The following ZBTB8A variants were observed in gnomAD, a reference collection of about 807,000 sequenced individuals.
ZBTB8A encodes zinc finger and BTB domain-containing protein 8A.
In ZBTB8A, 19 loss-of-function variants were observed where a neutral mutation model predicts 37.8. The observed-to-expected ratio is 0.50, with a 90% CI of 0.35 to 0.74. ZBTB8A has a LOEUF of 0.74. ZBTB8A is among the 30% of genes least tolerant of loss of function. The pLI, the probability that ZBTB8A is intolerant of heterozygous loss-of-function variation, is 0.01. For missense variants in ZBTB8A, 394 were observed against 537.8 expected (o/e 0.73, Z 2.65); for synonymous variants, 181 against 185.2 (o/e 0.98, Z 0.19).
At chr1:32,568,216 C>T (rs144315076) in intron 2 of ZBTB8A, among the ~76,000 whole-genome samples, 86 of 152,080 alleles carry the variant, frequency 5.7e-4, no homozygotes, top group African/African-American at 1.7e-3. Context: ...ATTTAATGTT[C>T]GACATATGTT....
chr1:32,592,792 G>A, intron 2 of ZBTB8A, 139 bp from the exon 3 acceptor site: 3 of 675,854 alleles, frequency 4.4e-6, no homozygotes, highest in Non-Finnish European at 7.3e-6. Context: ...ACAGGAGTGA[G>A]CCACTGTGCC....
At position 32,601,492 on chromosome 1, in the gene ZBTB8A, A is replaced by C. The variant is rs1313535014; in HGVS notation, c.*1073A>C. ...TCCGTCTCAAAAAAAAAAGGAAAAC[A>C]AACTAGGAGGTTCTTACCATATGTG... On this transcript the variant is annotated 3_prime_UTR_variant, in exon 5 of 5. Coordinates refer to ENST00000373510, the MANE Select transcript of ZBTB8A (RefSeq NM_001040441.3). 2 of 396,262 alleles carry C rather than the reference A, an allele frequency of 5.0e-6. No homozygotes were observed. The highest frequency in any genetic ancestry group is 4.1e-5 in the African/African-American group (2 of 48,526). The allele number at this position is 396,262 out of a possible 1,614,324, so 24.5% of individuals were successfully genotyped here. A position where few individuals can be genotyped will look rare whatever the true frequency, so the allele number is the denominator to read the frequency against.
intron 2 of ZBTB8A, among the ~76,000 whole-genome samples, chr1:32,567,940 G>A (rs1278967708): frequency 2.0e-5 from 3 of 151,790 alleles, no homozygotes; most frequent in African/African-American, 7.3e-5. Context: ...AGGAGTTTGA[G>A]ACCAGCCTGG....
Position 32,542,527 on chromosome 1 carries a change from T to C in ZBTB8A, c.-84+2955T>C, listed in dbSNP as rs1445288511. On this transcript the variant is annotated intron_variant, in intron 1 of 4. Coordinates refer to ENST00000373510, the MANE Select transcript of ZBTB8A (RefSeq NM_001040441.3). Reference sequence around the variant, plus strand: ...AGGCAGAGGTTGCAGTAAACCGAGATTGCGCCACTGCACTCTAGCCTGGGC... The same window carrying C: ...AGGCAGAGGTTGCAGTAAACCGAGACTGCGCCACTGCACTCTAGCCTGGGC... Among the ~76,000 whole-genome samples, 3 of 152,146 alleles carry C rather than the reference T, an allele frequency of 2.0e-5. No homozygotes were observed. In the East Asian group the frequency reaches 5.8e-4, roughly 29 times the overall value.
chr1:32,587,856 C>T (rs1376517351), intron 2 of ZBTB8A, among the ~76,000 whole-genome samples: 2 of 152,022 alleles, frequency 1.3e-5, no homozygotes, highest in Non-Finnish European at 2.9e-5. Context: ...AGCCCACCCC[C>T]CAGCCTCTGG....
intron 1 of ZBTB8A, among the ~76,000 whole-genome samples, chr1:32,550,632 A>C (rs552380090): frequency 6.6e-6 from 1 of 151,788 alleles, no homozygotes; most frequent in African/African-American, 2.4e-5. Flanking sequence ...AAAAACAAAA[A>C]GAAAAAGGAA....
At chr1:32,550,163 G>T (rs1240587705) in intron 1 of ZBTB8A, among the ~76,000 whole-genome samples, 1 of 151,828 alleles carries the variant, frequency 6.6e-6, no homozygotes, top group African/African-American at 2.4e-5. Context: ...TTCAAGACCA[G>T]CCTGGGCAAT....
At position 32,548,969 on chromosome 1, in the gene ZBTB8A, G is replaced by A. The variant is rs548951413; in HGVS notation, c.-83-4490G>A. Among the ~76,000 whole-genome samples the A allele has an allele frequency of 1.8e-4, 28 of 152,088 alleles. No individual in the cohort carries two copies. In the South Asian group the frequency reaches 3.9e-3, roughly 21 times the overall value. ...GCACTTTGGGAGGCTGAGGCAGGCC[G>A]ATCATGAGGTCAGGAGTTTGAGACC... is the stretch of plus-strand genomic sequence containing the variant. On this transcript the variant is annotated intron_variant, in intron 1 of 4. Transcript: ENST00000373510.
At chr1:32,599,165 A>G (rs1469333042) in intron 4 of ZBTB8A, among the ~76,000 whole-genome samples, 1 of 152,132 alleles carries the variant, frequency 6.6e-6, no homozygotes, top group Non-Finnish European at 1.5e-5. Flanking sequence ...ATAACAAAAA[A>G]TTAATACACA....
At chr1:32,557,400 C>T (rs1467775044) in intron 2 of ZBTB8A, among the ~76,000 whole-genome samples, 3 of 152,058 alleles carry the variant, frequency 2.0e-5, no homozygotes, top group Non-Finnish European at 4.4e-5. Flanking sequence ...GCAAATAATG[C>T]TAAATGTAAA....
chr1:32,592,031 C>T lies in ZBTB8A; in HGVS notation c.-1-900C>T, dbSNP rs527276418. Among the ~76,000 whole-genome samples the T allele has an allele frequency of 2.1e-4, 32 of 151,824 alleles. No individual in the cohort carries two copies. In the South Asian group the frequency reaches 2.7e-3, roughly 13 times the overall value. ...CTAATTTTTGTATTTTTAGTAGAGA[C>T]GGGGTTTCACCATGTTGGCCAGGAT... is the stretch of plus-strand genomic sequence containing the variant. On this transcript the variant is annotated intron_variant, in intron 2 of 4. Transcript: ENST00000373510.
At chr1:32,552,277 T>C (rs1359606870) in intron 1 of ZBTB8A, among the ~76,000 whole-genome samples, 1 of 152,046 alleles carries the variant, frequency 6.6e-6, no homozygotes, top group East Asian at 1.9e-4. Context: ...AGAGGGAGAA[T>C]CACTTAAGCC....
At chr1:32,559,150 C>A (rs1417697717) in intron 2 of ZBTB8A, among the ~76,000 whole-genome samples, 1 of 152,106 alleles carries the variant, frequency 6.6e-6, no homozygotes, top group Non-Finnish European at 1.5e-5. Flanking sequence ...CTGGCTCTGC[C>A]ACCCAGGCTG....
At position 32,602,341 on chromosome 1, in the gene ZBTB8A, A is replaced by C. The variant is rs1025383883; in HGVS notation, c.*1922A>C. ...GAAACTCCGTCTCAAAAAAAAAAAAAAAAAAAACTTCTCCCCTGCATAAAT... is the reference window on the plus strand; with the variant it reads ...GAAACTCCGTCTCAAAAAAAAAAAACAAAAAAACTTCTCCCCTGCATAAAT... On this transcript the variant is annotated 3_prime_UTR_variant, in exon 5 of 5. Coordinates refer to ENST00000373510, the MANE Select transcript of ZBTB8A (RefSeq NM_001040441.3). 6 of 152,424 alleles carry C rather than the reference A, an allele frequency of 3.9e-5. No homozygotes were observed. Among genetic ancestry groups the C allele is most frequent in the African/African-American group, 9.7e-5 (4 of 41,380 alleles). The allele number at this position is 152,424 out of a possible 1,614,324, so 9.4% of individuals were successfully genotyped here.
In ZBTB8A at chr1:32,540,074, C is replaced by T. The variant is rs1004259055; in HGVS notation, c.-84+502C>T. On this transcript the variant is annotated intron_variant, in intron 1 of 4. Transcript: ENST00000373510. ...AGTAGCCCGAGTTTCTCGGTGCAGCCTCCATCCTTGGTTTTATGTCAAGAT... is the reference window on the plus strand; with the variant it reads ...AGTAGCCCGAGTTTCTCGGTGCAGCTTCCATCCTTGGTTTTATGTCAAGAT... Among the ~76,000 whole-genome samples, 4 of 152,134 alleles carry T rather than the reference C, an allele frequency of 2.6e-5. No individual in the cohort carries two copies. In the East Asian group the frequency reaches 7.8e-4, roughly 30 times the overall value.
intron 2 of ZBTB8A, among the ~76,000 whole-genome samples, chr1:32,580,350 G>C (rs1644393874): frequency 1.3e-5 from 2 of 152,018 alleles, no homozygotes; most frequent in South Asian, 2.1e-4. Flanking sequence ...TTGAGTTCAG[G>C]AGTTCGAGAC....
At position 32,580,408 on chromosome 1, in the gene ZBTB8A, G is replaced by C. The variant is rs76529414; in HGVS notation, c.-1-12523G>C. 5.3e-3 allele frequency among the ~76,000 whole-genome samples: 804 copies of C among 152,062 alleles called. 8 individuals are homozygous for C. The highest frequency in any genetic ancestry group is 0.019 in the African/African-American group (769 of 41,474). ...CTCCGTCTCTACTAAAAATTAGCCA[G>C]GCATGGTGGCACATGCCTATAGTCC... On this transcript the variant is annotated intron_variant, in intron 2 of 4. Transcript: ENST00000373510.
chr1:32,584,011 G>A (rs1174010280), intron 2 of ZBTB8A, among the ~76,000 whole-genome samples: 1 of 152,100 alleles, frequency 6.6e-6, no homozygotes, highest in African/African-American at 2.4e-5. Context: ...ACCTGCCTCG[G>A]CCTCCCAAAG....
At chr1:32,562,346 A>G (rs1198426708) in intron 2 of ZBTB8A, among the ~76,000 whole-genome samples, 1 of 151,612 alleles carries the variant, frequency 6.6e-6, no homozygotes, top group Non-Finnish European at 1.5e-5. Flanking sequence ...ATCTCAGCTC[A>G]CCACAACCTC....
Sources: gnomAD v4.1 joint callset for allele counts (sites outside exome capture counted in the v4.1 genomes callset) on GRCh38, gnomAD v4.1.1 for gene constraint, MANE v1.5 for transcripts, NCBI Gene and HGNC (gene_info 2026-07-23, HGNC 2026-07-21) for gene names.